Variants in CACNA1S observed in about 807,000 individuals in gnomAD.
CACNA1S encodes calcium voltage-gated channel subunit alpha1 S.
Under a neutral mutation model 207.4 loss-of-function variants are expected in CACNA1S, and 126 were observed. The ratio of observed to expected loss-of-function variants is 0.61; its 90% CI spans 0.53 to 0.70. The LOEUF is 0.70. CACNA1S is among the 30% of genes least tolerant of loss of function. The probability of loss-of-function intolerance (pLI) is 0.00; values close to 1 mark genes in which losing one functional copy is unlikely to be tolerated. For missense variants in CACNA1S, 2,349 were observed against 2,422.8 expected (o/e 0.97, Z 0.64); for synonymous variants, 960 against 932.7 (o/e 1.03, Z -0.53).
At chr1:201,047,396 G>A (rs539699190) in intron 37 of CACNA1S, 129 bp downstream of exon 37, 23 of 1,250,480 alleles carry the variant, frequency 1.8e-5, no homozygotes, top group Middle Eastern at 2.4e-4. Context: ...TTGGATGCCC[G>A]TGGGATCTAC....
At chr1:201,067,297 T>A (rs1428039232) in intron 19 of CACNA1S, among the ~76,000 whole-genome samples, 2 of 152,170 alleles carry the variant, frequency 1.3e-5, no homozygotes, top group African/African-American at 4.8e-5. Flanking sequence ...CTGGCCCTAC[T>A]GTCTCCTGTG....
Position 201,041,487 on chromosome 1 carries a change from G to A in CACNA1S, c.5134+17C>T, listed in dbSNP as rs1341379595. ...GGGAGAAGACTCAAGCTTCTTAGAT[G>A]CACAGAAGGGACTGACCCAGGACCC... On this transcript the variant is annotated intron_variant, in intron 41 of 43. Transcript: ENST00000362061. 1 of 1,596,726 alleles carries A rather than the reference G, an allele frequency of 6.3e-7. No individual in the cohort carries two copies.
Position 201,061,441 on chromosome 1 carries a change from A to G in CACNA1S, c.3081T>C (p.Asn1027=). ...PQLLYKAIDS[N]AEDVGPIYNN... ...TGTAGATGGGACCCACGTCCTCCGC[A>G]TTGGAGTCTATGGCCTTGTACAGCA... The change falls in exon 25 of 44, where the codon AAT becomes AAC. Residue 1027 remains asparagine, a synonymous_variant. Coordinates refer to ENST00000362061, the MANE Select transcript of CACNA1S (RefSeq NM_000069.3). 6.2e-7 allele frequency: 1 copy of G among 1,614,206 alleles called. No individual in the cohort carries two copies. Among genetic ancestry groups the G allele is most frequent in the Non-Finnish European group, 8.5e-7 (1 of 1,180,022 alleles).
At position 201,084,959 on chromosome 1, in the gene CACNA1S, A is replaced by T; in HGVS notation, c.1223T>A (p.Ile408Asn). 2.5e-6 allele frequency: 4 copies of T among 1,612,126 alleles called. No individual in the cohort carries two copies. Among genetic ancestry groups the T allele is most frequent in the Non-Finnish European group, 1.7e-6 (2 of 1,178,972 alleles). ...GTGGGCAGATACTCACATGAACTGG[A>T]TGATTTTGTTCAAGCCTGCAATTTC... is the stretch of plus-strand genomic sequence containing the variant. ...LYEIAGLNKI[I>N]QFIRHWRQWN... The change falls in exon 9 of 44, where the codon ATC (isoleucine) becomes AAC (asparagine). Residue 408 changes from isoleucine (I) to asparagine (N), a missense_variant. Physicochemically the swap from Ile to Asn is moderately radical, Grantham distance 149. Transcript: ENST00000362061.
At chr1:201,062,162 C>T in intron 23 of CACNA1S, 72 bp from the exon 24 acceptor site, 1 of 1,557,408 alleles carries the variant, frequency 6.4e-7, no homozygotes, top group Non-Finnish European at 8.8e-7. Context: ...TCCTCTGGGC[C>T]CTGGGTGGGG....
At chr1:201,050,874 G>T in intron 33 of CACNA1S, 110 bp downstream of exon 33, 1 of 1,169,846 alleles carries the variant, frequency 8.5e-7, no homozygotes, top group Non-Finnish European at 1.3e-6. Context: ...CTGCGTCCCC[G>T]AGATGAATCC....
Position 201,039,787 on chromosome 1 carries a change from A to G in CACNA1S, c.*44T>C. ...CCACCCCAGCAACTTCCCCACCCCC[A>G]TTGGTCATGCCAGCTCTAAGCCCAT... is the stretch of plus-strand genomic sequence containing the variant. On this transcript the variant is annotated 3_prime_UTR_variant, in exon 44 of 44. Coordinates refer to ENST00000362061, the MANE Select transcript of CACNA1S (RefSeq NM_000069.3). 5 of 1,599,810 alleles carry G rather than the reference A, an allele frequency of 3.1e-6. No homozygotes were observed. Among genetic ancestry groups the G allele is most frequent in the Non-Finnish European group, 4.2e-6 (5 of 1,179,848 alleles).
chr1:201,067,917 C>T (rs772523649), intron 19 of CACNA1S, among the ~76,000 whole-genome samples: 8 of 152,294 alleles, frequency 5.3e-5, no homozygotes, highest in East Asian at 1.9e-4. Flanking sequence ...TCCTGGGGCT[C>T]GGCTAGCTTC....
At position 201,047,565 on chromosome 1, in the gene CACNA1S, G is replaced by T; in HGVS notation, c.4503C>A (p.Thr1501=). 2 of 1,614,164 alleles carry T rather than the reference G, an allele frequency of 1.2e-6. No individual in the cohort carries two copies. The highest frequency in any genetic ancestry group is 1.7e-6 in the Non-Finnish European group (2 of 1,180,006). ...RAIIKKIWKR[T]SMKLLDQVIP... is the part of the protein sequence containing the mutation. ...TGACCTGGTCCAAGAGCTTCATGCT[G>T]GTTCTCTTCCAGATCTTCTTGATGA... The change falls in exon 37 of 44, where the codon ACC becomes ACA. Residue 1501 remains threonine, a synonymous_variant. Coordinates refer to ENST00000362061, the MANE Select transcript of CACNA1S (RefSeq NM_000069.3).
chr1:201,100,443 C>A (rs1307043617), intron 2 of CACNA1S, among the ~76,000 whole-genome samples: 3 of 152,242 alleles, frequency 2.0e-5, no homozygotes, highest in Non-Finnish European at 4.4e-5. Context: ...AGATGACCTG[C>A]TGAGGAGTGA....
In CACNA1S at chr1:201,053,509, G is replaced by A. The variant is rs762394267; in HGVS notation, c.3745C>T (p.Arg1249Trp). ...AGGAGGGTTCGCACTCCTTCTGCCC[G>A]GCTCAGCAGCTTGATCAGCCTCATG... The part of the protein sequence containing the change: ...RVMRLIKLLS[R>W]AEGVRTLLWT... The change falls in exon 30 of 44, where the codon CGG becomes TGG. Residue 1249 changes from arginine (R) to tryptophan (W), a missense_variant. Transcript: ENST00000362061. The surrounding 1 kb of genome is among the most constrained non-coding windows in gnomAD (Gnocchi z 5.1). 9 of 1,614,152 alleles carry A rather than the reference G, an allele frequency of 5.6e-6. No homozygotes were observed. The highest frequency in any genetic ancestry group is 3.3e-4 in the Middle Eastern group (2 of 6,062).
rs1462535248 is a variant in CACNA1S, at chr1:201,061,991, T to TGA, written c.3004_3005dup (p.Ala1003GlnfsTer3). 1 of 1,613,692 alleles carries TGA rather than the reference T, an allele frequency of 6.2e-7. No homozygotes were observed. The highest frequency in any genetic ancestry group is 2.2e-5 in the East Asian group (1 of 44,886). ...AGACCGTGAAGAGGGACATCATGGC[T>TGA]GAGAGCACATTGTCGAAGTGGAAGT... On this transcript the variant is annotated frameshift_variant, in exon 24 of 44. Coordinates refer to ENST00000362061, the MANE Select transcript of CACNA1S (RefSeq NM_000069.3). LOFTEE classifies it high-confidence loss of function.
At chr1:201,080,336 A>C (rs1451003790) in intron 10 of CACNA1S, among the ~76,000 whole-genome samples, 1 of 151,686 alleles carries the variant, frequency 6.6e-6, no homozygotes, top group African/African-American at 2.4e-5. Context: ...AGGTGGCACT[A>C]CTAGCCATTT....
Position 201,040,807 on chromosome 1 carries a change from CTG to C in CACNA1S, c.5135-96_5135-95del. On this transcript the variant is annotated intron_variant, in intron 41 of 43. Transcript: ENST00000362061. ...GCTCGCTTGGCTGGCTAGCCACACTCTGTGAGAGCTCTGAGATTCTCAGGGCT... is the reference window on the plus strand; with the variant it reads ...GCTCGCTTGGCTGGCTAGCCACACTCTGAGAGCTCTGAGATTCTCAGGGCT... The C allele has an allele frequency of 3.3e-6, 3 of 902,632 alleles. No individual in the cohort carries two copies. In the East Asian group the frequency reaches 7.8e-5, roughly 23 times the overall value. The allele number at this position is 902,632 out of a possible 1,614,324, so 55.9% of individuals were successfully genotyped here.
rs1661490335 is a variant in CACNA1S, at chr1:201,073,460, C to T, written c.2157+89G>A. 5 of 1,095,976 alleles carry T rather than the reference C, an allele frequency of 4.6e-6. No individual in the cohort carries two copies. In the South Asian group the frequency reaches 6.2e-5, roughly 14 times the overall value. The allele number at this position is 1,095,976 out of a possible 1,614,324, so 67.9% of individuals were successfully genotyped here. A position where few individuals can be genotyped will look rare whatever the true frequency, so the allele number is the denominator to read the frequency against. On this transcript the variant is annotated intron_variant, in intron 15 of 43. Coordinates refer to ENST00000362061, the MANE Select transcript of CACNA1S (RefSeq NM_000069.3). ...CTGATAACTCTCCTACCTCCCCACC[C>T]TACCCCACCTGTACCCTGTGGTATG...
chr1:201,058,599 T>A, intron 27 of CACNA1S, 108 bp from the exon 28 acceptor site: 1 of 859,852 alleles, frequency 1.2e-6, no homozygotes, highest in South Asian at 1.4e-5. Flanking sequence ...AGCTGCGGGT[T>A]AGGCCAAGGT....
At chr1:201,049,239 G>A (rs1003585348) in intron 34 of CACNA1S, 140 bp from the exon 35 acceptor site, 1 of 657,572 alleles carries the variant, frequency 1.5e-6, no homozygotes, top group Middle Eastern at 2.4e-4. Context: ...TTAGGAAGTG[G>A]GAGCCCAGCT....
In CACNA1S at chr1:201,075,556, C is replaced by T; in HGVS notation, c.1887G>A (p.Gly629=). 1 of 1,614,068 alleles carries T rather than the reference C, an allele frequency of 6.2e-7. No homozygotes were observed. Among genetic ancestry groups the T allele is most frequent in the East Asian group, 2.2e-5 (1 of 44,874 alleles). Residue 629 remains glycine (G), a synonymous_variant, in exon 13 of 44, where the codon GGG becomes GGA. Transcript: ENST00000362061. ...MMYNGIMAYG[G]PSYPGMLVCI... ...ACACAAGCATGCCAGGGTAGGACGG[C>T]CCGCCGTAGGCCATGATCCCATTGT... is the stretch of plus-strand genomic sequence containing the variant.
intron 18 of CACNA1S, 136 bp from the exon 19 acceptor site, chr1:201,069,332 G>A (rs1193643826): frequency 7.1e-7 from 1 of 1,414,394 alleles, no homozygotes; most frequent in African/African-American, 1.4e-5. Flanking sequence ...AGTGGAGTGG[G>A]CAGTCCTATC....
Sources: allele counts gnomAD v4.1 joint callset (sites outside exome capture counted in the v4.1 genomes callset), GRCh38; gene constraint gnomAD v4.1.1; non-coding constraint Gnocchi (gnomAD v3.1); transcripts MANE v1.5; gene names NCBI Gene and HGNC (gene_info 2026-07-23, HGNC 2026-07-21).